Variants in SCARB1 observed in about 807,000 individuals in gnomAD.
The protein encoded by SCARB1 is scavenger receptor class B member 1, also known as CD36 and LIMPII analogous 1.
Under a neutral mutation model 57.2 loss-of-function variants are expected in SCARB1, and 30 were observed. That is an observed-to-expected ratio of 0.52 (90% CI 0.39 to 0.71). The LOEUF (loss-of-function observed/expected upper bound fraction) is 0.71. SCARB1 is among the 30% of genes least tolerant of loss of function. The probability of loss-of-function intolerance (pLI) is 0.00; values close to 1 mark genes in which losing one functional copy is unlikely to be tolerated. For missense variants in SCARB1, 543 were observed against 671.2 expected (o/e 0.81, Z 2.11); for synonymous variants, 249 against 268.3 (o/e 0.93, Z 0.70).
At chr12:124,831,001 A>G (rs1210525041) in intron 1 of SCARB1, among the ~76,000 whole-genome samples, 9 of 137,746 alleles carry the variant, frequency 6.5e-5, no homozygotes, top group African/African-American at 1.7e-4. Flanking sequence ...TTTTAGACGG[A>G]GTTTTGCTCT....
intron 1 of SCARB1, among the ~76,000 whole-genome samples, chr12:124,819,459 G>A (rs574964665): frequency 1.3e-5 from 2 of 152,336 alleles, no homozygotes; most frequent in East Asian, 1.9e-4. Context: ...TAGGAAACAC[G>A]CCTGGGGTCC....
intron 2 of SCARB1, among the ~76,000 whole-genome samples, chr12:124,816,869 G>C (rs1167180100): frequency 6.6e-6 from 1 of 151,984 alleles, no homozygotes; most frequent in Non-Finnish European, 1.5e-5. Flanking sequence ...CTAGGCCACA[G>C]CCAGGTACAG....
At chr12:124,850,965 A>T (rs575034626) in intron 1 of SCARB1, among the ~76,000 whole-genome samples, 28 of 152,288 alleles carry the variant, frequency 1.8e-4, no homozygotes, top group Admixed American at 1.8e-3. Flanking sequence ...GTGGGCAAGA[A>T]CTACTTCCCT....
Position 124,810,271 on chromosome 12 carries a change from C to A in SCARB1, c.745G>T (p.Asp249Tyr), listed in dbSNP as rs201357313. Residue 249 changes from aspartate (D) to tyrosine (Y), a missense_variant, in exon 6 of 13, where the codon GAT becomes TAT. By Grantham distance (160) the Asp-to-Tyr change is radical. Coordinates refer to ENST00000261693, the MANE Select transcript of SCARB1 (RefSeq NM_005505.5). The surrounding 1 kb of genome is among the most constrained non-coding windows in gnomAD (Gnocchi z 4.0). Reference sequence around the variant, plus strand: ...GTTCCATTGATCATGTTGCACTGATCGGAATGCCAGAAGTCAACCTGGGGG... The same window carrying A: ...GTTCCATTGATCATGTTGCACTGATAGGAATGCCAGAAGTCAACCTGGGGG... Reference protein sequence around the residue: ...GLSKVDFWHSDQCNMINGTSG... With the variant: ...GLSKVDFWHSYQCNMINGTSG... 360 of 1,613,658 alleles carry A rather than the reference C, an allele frequency of 2.2e-4. No homozygotes were observed. Among genetic ancestry groups the A allele is most frequent in the Non-Finnish European group, 2.8e-4 (330 of 1,179,750 alleles).
In SCARB1 at chr12:124,814,331, G is replaced by T; in HGVS notation, c.501C>A (p.Gly167=). 1 of 1,614,136 alleles carries T rather than the reference G, an allele frequency of 6.2e-7. No individual in the cohort carries two copies. Residue 167 remains glycine (G), a synonymous_variant, in exon 4 of 13, where the codon GGC becomes GGA. Transcript: ENST00000261693. This position sits in a 1 kb window ranked among gnomAD's most constrained non-coding sequence, Gnocchi z 4.7. ...CAGTGCGGTTCATGAAGGCACGTTCGCCGAGGGTGGTGAATGCCAAGGTCA... is the reference window on the plus strand; with the variant it reads ...CAGTGCGGTTCATGAAGGCACGTTCTCCGAGGGTGGTGAATGCCAAGGTCA... ...LIMTLAFTTL[G]ERAFMNRTVG...
rs746458821 is a variant in SCARB1, at chr12:124,810,764, C to A, written c.727-475G>T. Among the ~76,000 whole-genome samples, 51 of 152,210 alleles carry A rather than the reference C, an allele frequency of 3.4e-4. No individual in the cohort carries two copies. Among genetic ancestry groups the A allele is most frequent in the Non-Finnish European group, 6.9e-4 (47 of 68,052 alleles). Reference sequence around the variant, plus strand: ...TCTGGGGAGCGAGACCCAGACTCGACAAAACCAACTGCTCACTTTCCAATC... The same window carrying A: ...TCTGGGGAGCGAGACCCAGACTCGAAAAAACCAACTGCTCACTTTCCAATC... On this transcript the variant is annotated intron_variant, in intron 5 of 12. Transcript: ENST00000261693. The surrounding 1 kb of genome is among the most constrained non-coding windows in gnomAD (Gnocchi z 4.0).
At chr12:124,855,395 A>T (rs2135845233) in intron 1 of SCARB1, among the ~76,000 whole-genome samples, 1 of 152,212 alleles carries the variant, frequency 6.6e-6, no homozygotes, top group South Asian at 2.1e-4. Flanking sequence ...TTTGGGAGGA[A>T]AATCGCCCCC....
intron 1 of SCARB1, among the ~76,000 whole-genome samples, chr12:124,844,289 C>T (rs1032836554): frequency 1.3e-5 from 2 of 152,168 alleles, no homozygotes; most frequent in Non-Finnish European, 2.9e-5. Flanking sequence ...CCGTGCATGG[C>T]ATGGAAAAGC....
At chr12:124,809,705 G>A (rs1362238147) in intron 6 of SCARB1, among the ~76,000 whole-genome samples, 6 of 152,094 alleles carry the variant, frequency 3.9e-5, no homozygotes, top group Non-Finnish European at 8.8e-5. Context: ...AATGGAACAC[G>A]ACACAGCAAG....
intron 9 of SCARB1, among the ~76,000 whole-genome samples, chr12:124,792,286 G>A (rs1949761483): frequency 1.3e-5 from 2 of 152,192 alleles, no homozygotes; most frequent in Middle Eastern, 3.4e-3. Context: ...ATCCCTCGTG[G>A]CCCTCCACAT....
Position 124,863,694 on chromosome 12 carries a change from C to A in SCARB1, c.27G>T (p.Trp9Cys). The change falls in exon 1 of 13, where the codon TGG (tryptophan) becomes TGT (cysteine). Residue 9 changes from tryptophan to cysteine, a missense_variant. Coordinates refer to ENST00000261693, the MANE Select transcript of SCARB1 (RefSeq NM_005505.5). MGCSAKAR[W>C]AAGALGVAGL... The stretch of plus-strand genomic sequence containing the variant: ...CCGCGACGCCCAGCGCCCCGGCAGC[C>A]CAGCGCGCTTTGGCGGAGCAGCCCA... 6.5e-7 allele frequency: 1 copy of A among 1,544,802 alleles called. No individual in the cohort carries two copies. Among genetic ancestry groups the A allele is most frequent in the Non-Finnish European group, 8.7e-7 (1 of 1,145,970 alleles).
intron 8 of SCARB1, among the ~76,000 whole-genome samples, chr12:124,799,169 T>C (rs1950049832): frequency 1.3e-5 from 2 of 152,222 alleles, no homozygotes; most frequent in African/African-American, 4.8e-5. Flanking sequence ...ACAAGTTATA[T>C]ACATACATCA....
intron 8 of SCARB1, among the ~76,000 whole-genome samples, chr12:124,797,371 C>G (rs959796226): frequency 6.6e-6 from 1 of 152,132 alleles, no homozygotes; most frequent in Non-Finnish European, 1.5e-5. Flanking sequence ...AGTGGCCACA[C>G]GGAAGCAGCT....
intron 1 of SCARB1, among the ~76,000 whole-genome samples, chr12:124,861,490 T>A (rs1177647237): frequency 6.7e-6 from 1 of 149,796 alleles, no homozygotes; most frequent in Admixed American, 6.7e-5. Flanking sequence ...AAAAAAAAAA[T>A]AAAAGCACAA....
At position 124,796,968 on chromosome 12, in the gene SCARB1, T is replaced by C. The variant is rs541138185; in HGVS notation, c.1129-1700A>G. Reference sequence around the variant, plus strand: ...GAGTAGTTCACTGGGCCGAAATTATTTGTACAAACAATATGGTTCTTGCTC... The same window carrying C: ...GAGTAGTTCACTGGGCCGAAATTATCTGTACAAACAATATGGTTCTTGCTC... On this transcript the variant is annotated intron_variant, in intron 8 of 12. Transcript: ENST00000261693. The surrounding 1 kb of genome is among the most constrained non-coding windows in gnomAD (Gnocchi z 4.0). 2.0e-5 allele frequency among the ~76,000 whole-genome samples: 3 copies of C among 152,328 alleles called. No homozygotes were observed. The highest frequency in any genetic ancestry group is 1.9e-4 in the East Asian group (1 of 5,180).
At position 124,789,694 on chromosome 12, in the gene SCARB1, A is replaced by G. The variant is rs1390990425; in HGVS notation, c.1203-2237T>C. Among the ~76,000 whole-genome samples, 2 of 152,116 alleles carry G rather than the reference A, an allele frequency of 1.3e-5. No homozygotes were observed. The highest frequency in any genetic ancestry group is 4.8e-5 in the African/African-American group (2 of 41,428). On this transcript the variant is annotated intron_variant, in intron 9 of 12. Coordinates refer to ENST00000261693, the MANE Select transcript of SCARB1 (RefSeq NM_005505.5). This position sits in a 1 kb window ranked among gnomAD's most constrained non-coding sequence, Gnocchi z 4.4. ...CGAAAAAACAAAAACAAATTTTAAA[A>G]CCCTAAAAAAAGAAAAATTAATTTT... is the stretch of plus-strand genomic sequence containing the variant.
intron 6 of SCARB1, among the ~76,000 whole-genome samples, chr12:124,809,493 ACT>A (rs1950446795): frequency 6.6e-6 from 1 of 152,118 alleles, no homozygotes; most frequent in South Asian, 2.1e-4. Context: ...AAGCACTGTC[ACT>A]CTCTGACACT....
chr12:124,810,365 C>T lies in SCARB1; in HGVS notation c.727-76G>A. The T allele has an allele frequency of 1.0e-6, 1 of 1,001,878 alleles. No homozygotes were observed. The highest frequency in any genetic ancestry group is 1.6e-6 in the Non-Finnish European group (1 of 627,752). 62.1% of individuals were successfully genotyped at this position (1,001,878 alleles called of 1,614,324 possible). A position where few individuals can be genotyped will look rare whatever the true frequency, so the allele number is the denominator to read the frequency against. Reference sequence around the variant, plus strand: ...ATAAGCCCTCTCAGGTGCTGCACACCTAACTCACCCTGGTGCACGCACGGC... The same window carrying T: ...ATAAGCCCTCTCAGGTGCTGCACACTTAACTCACCCTGGTGCACGCACGGC... On this transcript the variant is annotated intron_variant, in intron 5 of 12. Transcript: ENST00000261693. The surrounding 1 kb of genome is among the most constrained non-coding windows in gnomAD (Gnocchi z 4.0).
intron 7 of SCARB1, among the ~76,000 whole-genome samples, chr12:124,801,148 G>A (rs1007930114): frequency 4.3e-4 from 66 of 152,270 alleles, no homozygotes; most frequent in African/African-American, 1.6e-3. Context: ...ACAGTGAGCC[G>A]TGACCGTGCC....
Sources: gnomAD v4.1 joint callset for allele counts (sites outside exome capture counted in the v4.1 genomes callset) on GRCh38, gnomAD v4.1.1 for gene constraint, Gnocchi (gnomAD v3.1) non-coding constraint, MANE v1.5 for transcripts, NCBI Gene and HGNC (gene_info 2026-07-23, HGNC 2026-07-21) for gene names.